Variants in TBC1D16 observed in about 807,000 individuals in gnomAD.
TBC1D16 encodes the protein CTD-2529O21.1.
A neutral mutation model predicts 74.7 loss-of-function variants in TBC1D16; 58 were observed. That is an observed-to-expected ratio of 0.78 (90% CI 0.63 to 0.97). The LOEUF is 0.97. Ranked by LOEUF, TBC1D16 falls within the 50% of genes least tolerant of loss-of-function variation. TBC1D16 has a pLI of 0.00. For synonymous variants in TBC1D16, 493 were observed against 474.7 expected (o/e 1.04, Z -0.50); for missense variants, 1,014 against 1,079.5 (o/e 0.94, Z 0.85).
Position 79,950,716 on chromosome 17 carries a change from A to T in TBC1D16, c.1090-138T>A. 4 of 1,540,042 alleles carry T rather than the reference A, an allele frequency of 2.6e-6. No individual in the cohort carries two copies. Among genetic ancestry groups the T allele is most frequent in the Non-Finnish European group, 3.5e-6 (4 of 1,143,582 alleles). On this transcript the variant is annotated intron_variant, in intron 5 of 11. Transcript: ENST00000310924. This position sits in a 1 kb window ranked among gnomAD's most constrained non-coding sequence, Gnocchi z 4.6. ...GGCCGTCCCCTGCATACAAACCCCTAAATGGCGAGTGTAATTAGGCGCAAT... is the reference window on the plus strand; with the variant it reads ...GGCCGTCCCCTGCATACAAACCCCTTAATGGCGAGTGTAATTAGGCGCAAT...
intron 3 of TBC1D16, among the ~76,000 whole-genome samples, chr17:79,989,833 T>C (rs554414990): frequency 1.3e-5 from 2 of 152,220 alleles, no homozygotes; most frequent in East Asian, 3.9e-4. Flanking sequence ...AGGGACCCAC[T>C]GTACCCTCAT....
intron 2 of TBC1D16, among the ~76,000 whole-genome samples, chr17:80,011,928 G>T (rs971981751): frequency 2.6e-5 from 4 of 152,092 alleles, no homozygotes; most frequent in Non-Finnish European, 5.9e-5. Context: ...TTGAGGAAGG[G>T]GCCACCTTTG....
Position 79,944,020 on chromosome 17 carries a change from C to T in TBC1D16, c.1908+888G>A. ...CCAGGAGGGAAACCTAGACCCGGGC[C>T]AGGGGCGAGCCGATGACCGCATGCA... On this transcript the variant is annotated intron_variant, in intron 10 of 11. Coordinates refer to ENST00000310924, the MANE Select transcript of TBC1D16 (RefSeq NM_019020.4). This position sits in a 1 kb window ranked among gnomAD's most constrained non-coding sequence, Gnocchi z 7.7. The T allele has an allele frequency of 1.3e-6, 2 of 1,535,136 alleles. No individual in the cohort carries two copies. Among genetic ancestry groups the T allele is most frequent in the South Asian group, 2.4e-5 (2 of 84,006 alleles).
rs71163906 is a variant in TBC1D16, at chr17:79,999,533, CTTTTTTTTTTT to C, written c.779+10616_779+10626del. Among the ~76,000 whole-genome samples the C allele has an allele frequency of 2.9e-4, 22 of 76,476 alleles. No homozygotes were observed. The South Asian group carries it at 5.7e-3, about 20-fold the overall frequency. The allele number at this position is 76,476 out of a possible 152,430, so 50.2% of individuals were successfully genotyped here. On this transcript the variant is annotated intron_variant, in intron 3 of 11. Transcript: ENST00000310924. ...TCCCTTCTGCCTTTCCCCCAAATTT[CTTTTTTTTTTT>C]TTTTTTTTTTTTTTTTGAGATGGAG... is the stretch of plus-strand genomic sequence containing the variant.
rs1291117790 is a variant in TBC1D16, at chr17:79,940,087, G to C, written c.*772C>G. The C allele has an allele frequency of 6.6e-6, 1 of 152,138 alleles. No homozygotes were observed. The highest frequency in any genetic ancestry group is 2.4e-5 in the African/African-American group (1 of 41,412). 9.4% of individuals were successfully genotyped at this position (152,138 alleles called of 1,614,324 possible). Reference sequence around the variant, plus strand: ...AAACAACGCCAAGGAACCTCACGTAGAAGACCCCCAGCAAAGAAAAAGGCA... The same window carrying C: ...AAACAACGCCAAGGAACCTCACGTACAAGACCCCCAGCAAAGAAAAAGGCA... On this transcript the variant is annotated 3_prime_UTR_variant, in exon 12 of 12. Coordinates refer to ENST00000310924, the MANE Select transcript of TBC1D16 (RefSeq NM_019020.4). This position sits in a 1 kb window ranked among gnomAD's most constrained non-coding sequence, Gnocchi z 5.4.
chr17:79,942,235 G>T lies in TBC1D16; in HGVS notation c.1909-29C>A, dbSNP rs771831808. The stretch of plus-strand genomic sequence containing the variant: ...TGGAGGCGGGTAGAGTTCAGACACG[G>T]GCTCTGACCGAGCCCCAGGCCCTGC... On this transcript the variant is annotated intron_variant, in intron 10 of 11. Transcript: ENST00000310924. 7 of 1,562,292 alleles carry T rather than the reference G, an allele frequency of 4.5e-6. No individual in the cohort carries two copies. The South Asian group carries it at 8.2e-5, about 18-fold the overall frequency.
Position 80,010,131 on chromosome 17 carries a change from A to G in TBC1D16, c.779+29T>C, listed in dbSNP as rs763621767. 3 of 1,571,088 alleles carry G rather than the reference A, an allele frequency of 1.9e-6. No individual in the cohort carries two copies. The South Asian group carries it at 3.5e-5, about 18-fold the overall frequency. Reference sequence around the variant, plus strand: ...CAGGTCAGGCCTTGGGGGCCTCCCGAGAGCCCACGCCCAGAACCAGGAACT... The same window carrying G: ...CAGGTCAGGCCTTGGGGGCCTCCCGGGAGCCCACGCCCAGAACCAGGAACT... On this transcript the variant is annotated intron_variant, in intron 3 of 11. Coordinates refer to ENST00000310924, the MANE Select transcript of TBC1D16 (RefSeq NM_019020.4). This position sits in a 1 kb window ranked among gnomAD's most constrained non-coding sequence, Gnocchi z 8.8.
chr17:80,028,013 G>T (rs2143371013), intron 1 of TBC1D16, among the ~76,000 whole-genome samples: 1 of 152,060 alleles, frequency 6.6e-6, no homozygotes, highest in East Asian at 1.9e-4. Context: ...TGTCCTTGTT[G>T]GTTTGTGTTT....
rs1246052429 is a variant in TBC1D16 at position 79,939,266 on chromosome 17, G to A, written c.*1593C>T. ...GATCTGGGCACTGATGGGGCTCCAG[G>A]ACGGTCTCCTCAAAAGGCTCTTAGG... On this transcript the variant is annotated 3_prime_UTR_variant, in exon 12 of 12. Transcript: ENST00000310924. 6.6e-6 allele frequency: 1 copy of A among 152,248 alleles called. No homozygotes were observed. The highest frequency in any genetic ancestry group is 1.5e-5 in the Non-Finnish European group (1 of 68,078). 9.4% of individuals were successfully genotyped at this position (152,248 alleles called of 1,614,324 possible).
intron 1 of TBC1D16, among the ~76,000 whole-genome samples, chr17:80,031,729 C>CA (rs2036783548): frequency 6.6e-6 from 1 of 152,168 alleles, no homozygotes; most frequent in Non-Finnish European, 1.5e-5. Flanking sequence ...AAACTCAACT[C>CA]AGAGGTGAGC....
rs1455858029 is a variant in TBC1D16, at chr17:79,994,714, G to A, written c.779+15446C>T. ...GCTGGGATTACAGGCGTGAGCCATT[G>A]CGCCCGGCCGAGAATGTTTTTTCAA... On this transcript the variant is annotated intron_variant, in intron 3 of 11. Transcript: ENST00000310924. This position sits in a 1 kb window ranked among gnomAD's most constrained non-coding sequence, Gnocchi z 4.6. Among the ~76,000 whole-genome samples, 4 of 152,078 alleles carry A rather than the reference G, an allele frequency of 2.6e-5. No homozygotes were observed. Among genetic ancestry groups the A allele is most frequent in the East Asian group, 3.9e-4 (2 of 5,154 alleles).
chr17:79,940,838 G>A lies in TBC1D16; in HGVS notation c.*21C>T. 1 of 1,516,896 alleles carries A rather than the reference G, an allele frequency of 6.6e-7. No individual in the cohort carries two copies. The highest frequency in any genetic ancestry group is 8.9e-7 in the Non-Finnish European group (1 of 1,124,850). The allele number at this position is 1,516,896 out of a possible 1,614,324, so 94.0% of individuals were successfully genotyped here. ...CTCTGAGGAGGTCCCCTCAACCCCTGTCCGGTGTCGGGGGCCCGACCTATC... is the reference window on the plus strand; with the variant it reads ...CTCTGAGGAGGTCCCCTCAACCCCTATCCGGTGTCGGGGGCCCGACCTATC... On this transcript the variant is annotated 3_prime_UTR_variant, in exon 12 of 12. Transcript: ENST00000310924. This position sits in a 1 kb window ranked among gnomAD's most constrained non-coding sequence, Gnocchi z 5.4.
chr17:80,023,201 C>T (rs1020476534), intron 1 of TBC1D16, among the ~76,000 whole-genome samples: 1 of 150,138 alleles, frequency 6.7e-6, no homozygotes, highest in Non-Finnish European at 1.5e-5. Flanking sequence ...CCCCCTCCAC[C>T]CTGCTGAAAG....
intron 1 of TBC1D16, among the ~76,000 whole-genome samples, chr17:80,025,074 C>CACACCATGACACACAA (rs2036511400): frequency 8.4e-5 from 1 of 11,904 alleles, no homozygotes; most frequent in Non-Finnish European, 2.1e-4. Flanking sequence ...ATGACACACA[C>CACACCATGACACACAA]ACACATACCA....
rs535075188 is a variant in TBC1D16, at chr17:79,938,741, G to A, written c.*2118C>T. ...GGCCTGTCCCCCACCCCTTAATGCT[G>A]AGCCCAGCCACGTGACTTGCTGTGG... On this transcript the variant is annotated 3_prime_UTR_variant, in exon 12 of 12. Transcript: ENST00000310924. The A allele has an allele frequency of 6.6e-6, 1 of 152,456 alleles. No homozygotes were observed. Among genetic ancestry groups the A allele is most frequent in the Admixed American group, 6.5e-5 (1 of 15,302 alleles). The allele number at this position is 152,456 out of a possible 1,614,324, so 9.4% of individuals were successfully genotyped here.
chr17:79,962,233 A>G (rs1336302227), intron 3 of TBC1D16, among the ~76,000 whole-genome samples: 2 of 117,458 alleles, frequency 1.7e-5, no homozygotes, highest in African/African-American at 6.7e-5. Context: ...TTTTTTTGAG[A>G]CAGAGTCATC....
chr17:80,014,403 C>T (rs1193729013), intron 1 of TBC1D16, among the ~76,000 whole-genome samples: 6 of 151,902 alleles, frequency 3.9e-5, no homozygotes, highest in Non-Finnish European at 7.4e-5. Flanking sequence ...GATTAGTATA[C>T]AGAATATATA....
chr17:79,982,089 T>A (rs1027470680), intron 3 of TBC1D16, among the ~76,000 whole-genome samples: 3 of 152,188 alleles, frequency 2.0e-5, no homozygotes, highest in African/African-American at 7.2e-5. Flanking sequence ...TCTCTAAACA[T>A]TCCTTATAGA....
Position 80,001,929 on chromosome 17 carries a change from T to G in TBC1D16, c.779+8231A>C, listed in dbSNP as rs1470478030. Among the ~76,000 whole-genome samples the G allele has an allele frequency of 6.6e-6, 1 of 152,098 alleles. No homozygotes were observed. The highest frequency in any genetic ancestry group is 1.5e-5 in the Non-Finnish European group (1 of 68,016). ...AGGCTCTGATTTGCTGGGCAGCTGCTGCGCCCCGGAACAAAGACGGGAAGG... is the reference window on the plus strand; with the variant it reads ...AGGCTCTGATTTGCTGGGCAGCTGCGGCGCCCCGGAACAAAGACGGGAAGG... On this transcript the variant is annotated intron_variant, in intron 3 of 11. Coordinates refer to ENST00000310924, the MANE Select transcript of TBC1D16 (RefSeq NM_019020.4). The surrounding 1 kb of genome is among the most constrained non-coding windows in gnomAD (Gnocchi z 5.8).
Sources: allele counts gnomAD v4.1 joint callset (sites outside exome capture counted in the v4.1 genomes callset), GRCh38; gene constraint gnomAD v4.1.1; non-coding constraint Gnocchi (gnomAD v3.1); transcripts MANE v1.5; gene names NCBI Gene and HGNC (gene_info 2026-07-23, HGNC 2026-07-21).